Variants in SLC44A5 observed in about 807,000 individuals in gnomAD.
SLC44A5 encodes choline transporter-like protein 5.
A neutral mutation model predicts 101.8 loss-of-function variants in SLC44A5; 57 were observed. The ratio of observed to expected loss-of-function variants is 0.56; its 90% CI spans 0.45 to 0.70. SLC44A5 has a LOEUF of 0.70. SLC44A5 is among the 30% of genes least tolerant of loss of function. SLC44A5 has a pLI of 0.00. For synonymous variants in SLC44A5, 281 were observed against 290.9 expected (o/e 0.97, Z 0.35); for missense variants, 737 against 853.1 (o/e 0.86, Z 1.70).
chr1:75,217,852 A>G lies in SLC44A5; in HGVS notation c.1624+14T>C, dbSNP rs370436579. ...TTATTATCTTCACAAAAGTCAGGAC[A>G]TCTGAAATCTTACGTTTAAGACGGT... On this transcript the variant is annotated intron_variant, in intron 18 of 23. Transcript: ENST00000370859. 2.8e-5 allele frequency: 42 copies of G among 1,501,844 alleles called. No individual in the cohort carries two copies. The highest frequency in any genetic ancestry group is 3.9e-5 in the Non-Finnish European group (42 of 1,078,564). 93.0% of individuals were successfully genotyped at this position (1,501,844 alleles called of 1,614,324 possible).
rs530963370 is a variant in SLC44A5, at chr1:75,272,256, C to T, written c.260+2702G>A. Among the ~76,000 whole-genome samples, 7 of 149,704 alleles carry T rather than the reference C, an allele frequency of 4.7e-5. No individual in the cohort carries two copies. The East Asian group carries it at 1.4e-3, about 29-fold the overall frequency. On this transcript the variant is annotated intron_variant, in intron 6 of 23. Transcript: ENST00000370859. Reference sequence around the variant, plus strand: ...TAGTTTGCAAATACTTTCTCCCACTCTTTGAGTTGTCTATTTACTCTGCTT... The same window carrying T: ...TAGTTTGCAAATACTTTCTCCCACTTTTTGAGTTGTCTATTTACTCTGCTT...
At chr1:75,424,363 T>G (rs1664183787) in intron 2 of SLC44A5, among the ~76,000 whole-genome samples, 1 of 152,174 alleles carries the variant, frequency 6.6e-6, no homozygotes, top group Non-Finnish European at 1.5e-5. Flanking sequence ...TGGAGTGCAG[T>G]GGCATGATCT....
chr1:75,672,239 C>T, the SLC44A5 span, among the ~76,000 whole-genome samples: 2 of 152,180 alleles, frequency 1.3e-5, no homozygotes, highest in Non-Finnish European at 2.9e-5. Flanking sequence ...CACCCTTCCC[C>T]CATCCCCTGG....
chr1:75,448,206 GC>G (rs1665695696), intron 2 of SLC44A5, among the ~76,000 whole-genome samples: 1 of 152,098 alleles, frequency 6.6e-6, no homozygotes, highest in African/African-American at 2.4e-5. Flanking sequence ...TAGAACAAAG[GC>G]AGTGGGGAGG....
chr1:75,428,991 T>G (rs17096865), intron 2 of SLC44A5, among the ~76,000 whole-genome samples: 14,972 of 152,230 alleles, frequency 0.098, 912 homozygotes, highest in Admixed American at 0.19. Context: ...TTATTTTGCA[T>G]GCAGTTATAA....
intron 2 of SLC44A5, among the ~76,000 whole-genome samples, chr1:75,468,953 T>A (rs538247193): frequency 1.3e-5 from 2 of 152,286 alleles, no homozygotes; most frequent in African/African-American, 4.8e-5. Flanking sequence ...TATATACACC[T>A]GCTATGTACC....
intron 2 of SLC44A5, among the ~76,000 whole-genome samples, chr1:75,519,516 C>A (rs896005398): frequency 6.6e-6 from 1 of 152,088 alleles, no homozygotes; most frequent in Non-Finnish European, 1.5e-5. Context: ...CAAGATCACA[C>A]CCCTGCACTC....
At chr1:75,544,880 T>TA (rs1671558358) in intron 1 of SLC44A5, among the ~76,000 whole-genome samples, 1 of 152,150 alleles carries the variant, frequency 6.6e-6, no homozygotes, top group African/African-American at 2.4e-5. Flanking sequence ...GATTTTTTTT[T>TA]ATACCTTAAG....
chr1:75,694,670 T>C, the SLC44A5 span, among the ~76,000 whole-genome samples: 1 of 152,098 alleles, frequency 6.6e-6, no homozygotes, highest in Admixed American at 6.6e-5. Context: ...TGTAGAAATA[T>C]TTACTAATAG....
At chr1:75,642,236 T>C in the SLC44A5 span, 1 of 535,748 alleles carries the variant, frequency 1.9e-6, no homozygotes, top group Non-Finnish European at 3.3e-6. Context: ...CACTTGATAT[T>C]ATGATGACTT....
chr1:75,471,746 C>T (rs926996197), intron 2 of SLC44A5, among the ~76,000 whole-genome samples: 3 of 151,894 alleles, frequency 2.0e-5, no homozygotes, highest in African/African-American at 7.3e-5. Flanking sequence ...TCTCTAAACC[C>T]TTTGTGTAGT....
In SLC44A5 at chr1:75,257,066, T is replaced by C. The variant is rs141456299; in HGVS notation, c.261-5772A>G. ...AGAGATTGTCCCAGTGAAAGGAAAG[T>C]GTGGGTGAAAAGTCCTAGAATGAGA... On this transcript the variant is annotated intron_variant, in intron 6 of 23. Coordinates refer to ENST00000370859, the MANE Select transcript of SLC44A5 (RefSeq NM_001130058.2). Among the ~76,000 whole-genome samples the C allele has an allele frequency of 9.2e-5, 14 of 152,224 alleles. No homozygotes were observed. In the East Asian group the frequency reaches 2.5e-3, roughly 27 times the overall value.
intron 1 of SLC44A5, among the ~76,000 whole-genome samples, chr1:75,567,966 G>A (rs1672875175): frequency 6.6e-6 from 1 of 152,184 alleles, no homozygotes; most frequent in South Asian, 2.1e-4. Flanking sequence ...CCCCATGGCT[G>A]CAATAATGAG....
chr1:75,606,195 C>T (rs1675316802), intron 1 of SLC44A5, among the ~76,000 whole-genome samples: 1 of 151,916 alleles, frequency 6.6e-6, no homozygotes, highest in Non-Finnish European at 1.5e-5. Context: ...CTCTTGTCTT[C>T]TGGAAACTTT....
chr1:75,203,586 G>A lies in SLC44A5; in HGVS notation c.*141C>T, dbSNP rs1570341419. 2 of 953,138 alleles carry A rather than the reference G, an allele frequency of 2.1e-6. No homozygotes were observed. Among genetic ancestry groups the A allele is most frequent in the Middle Eastern group, 2.2e-4 (1 of 4,566 alleles). 59.0% of individuals were successfully genotyped at this position (953,138 alleles called of 1,614,324 possible). A position where few individuals can be genotyped will look rare whatever the true frequency, so the allele number is the denominator to read the frequency against. On this transcript the variant is annotated 3_prime_UTR_variant, in exon 24 of 24. Transcript: ENST00000370859. Reference sequence around the variant, plus strand: ...CTTCACATAGTACAGTATAAGCTTTGGTATAAAACATGCAAATGCAAGCCA... The same window carrying A: ...CTTCACATAGTACAGTATAAGCTTTAGTATAAAACATGCAAATGCAAGCCA...
chr1:75,375,652 C>G (rs1660531823), intron 3 of SLC44A5, among the ~76,000 whole-genome samples: 1 of 152,216 alleles, frequency 6.6e-6, no homozygotes, highest in Admixed American at 6.5e-5. Flanking sequence ...GTGGACTTCT[C>G]AGCAGAAACC....
At chr1:75,266,494 T>C (rs1260436966) in intron 6 of SLC44A5, among the ~76,000 whole-genome samples, 2 of 152,188 alleles carry the variant, frequency 1.3e-5, no homozygotes, top group African/African-American at 4.8e-5. Flanking sequence ...AGCTTAAGAC[T>C]TAGGGTTAGA....
At chr1:75,231,787 A>G (rs1339284299) in intron 12 of SLC44A5, among the ~76,000 whole-genome samples, 1 of 152,154 alleles carries the variant, frequency 6.6e-6, no homozygotes, top group Admixed American at 6.6e-5. Context: ...TGCCTTTTTC[A>G]TACCTTAAAT....
chr1:75,437,896 A>G (rs975452648), intron 2 of SLC44A5, among the ~76,000 whole-genome samples: 2 of 152,102 alleles, frequency 1.3e-5, no homozygotes, highest in African/African-American at 4.8e-5. Flanking sequence ...GGAGAGATAA[A>G]TTTTGTGTGA....
Sources: gnomAD v4.1 joint callset for allele counts (sites outside exome capture counted in the v4.1 genomes callset) on GRCh38, gnomAD v4.1.1 for gene constraint, MANE v1.5 for transcripts, NCBI Gene and HGNC (gene_info 2026-07-23, HGNC 2026-07-21) for gene names.